The following SHPRH variants were observed in gnomAD, a reference collection of about 807,000 sequenced individuals.
SHPRH encodes the protein E3 ubiquitin-protein ligase SHPRH.
A neutral mutation model predicts 202.5 loss-of-function variants in SHPRH; 106 were observed. The observed-to-expected ratio is 0.52, with a 90% CI of 0.45 to 0.62. SHPRH has a LOEUF of 0.62. Ranked by LOEUF, SHPRH falls within the 20% of genes least tolerant of loss-of-function variation. SHPRH has a pLI of 0.00. For synonymous variants in SHPRH, 729 were observed against 686.0 expected, an observed-to-expected ratio of 1.06 and a Z score of -0.98; for missense variants, 1,710 against 2,020.0, an observed-to-expected ratio of 0.85 and a Z score of 2.94.
In SHPRH at chr6:145,943,661, T is replaced by C. The variant is rs761671202; in HGVS notation, c.1720A>G (p.Ser574Gly). 2.5e-6 allele frequency: 4 copies of C among 1,613,940 alleles called. No homozygotes were observed. The Admixed American group carries it at 6.7e-5, about 27-fold the overall frequency. ...GGAACAAGCTTTTTCCTCAATTTAC[T>C]GCGATTTCTCCTGGACTTATAATAA... is the stretch of plus-strand genomic sequence containing the variant. ...YYYYKSRRNR[S>G]KLRKKLVPST... Residue 574 changes from serine (S) to glycine (G), a missense_variant, in exon 9 of 30, where the codon AGT becomes GGT. Physicochemically the swap from Ser to Gly is moderately conservative, Grantham distance 56. Transcript: ENST00000275233.
At chr6:145,863,301 T>A (rs1279034206), downstream of SHPRH, among the ~76,000 whole-genome samples, 3 of 152,292 alleles carry the variant, frequency 2.0e-5, no homozygotes, top group East Asian at 5.8e-4. Context: ...TTTAAGCTAA[T>A]CAAGGACAAA....
intron 10 of SHPRH, 23 bp downstream of exon 10, chr6:145,941,600 A>T (rs1786783204): frequency 2.5e-6 from 4 of 1,611,190 alleles, no homozygotes; most frequent in Non-Finnish European, 2.5e-6. Context: ...CCAGCCCTCA[A>T]AAGATTTTGC....
In SHPRH at chr6:145,949,041, G is replaced by A. The variant is rs998011243; in HGVS notation, c.983-691C>T. Among the ~76,000 whole-genome samples the A allele has an allele frequency of 3.3e-5, 5 of 152,004 alleles. No homozygotes were observed. The South Asian group carries it at 6.2e-4, about 19-fold the overall frequency. ...TATTTTTATATTCTAGAATAAAATGGCCATTAAAAATTCAAAAAACTATGG... is the reference window on the plus strand; with the variant it reads ...TATTTTTATATTCTAGAATAAAATGACCATTAAAAATTCAAAAAACTATGG... On this transcript the variant is annotated intron_variant, in intron 4 of 29. Transcript: ENST00000275233.
intron 4 of SHPRH, 77 bp downstream of exon 4, chr6:145,950,187 C>A: frequency 1.7e-6 from 2 of 1,176,922 alleles, no homozygotes; most frequent in South Asian, 1.4e-5. Flanking sequence ...TTTTAATGAT[C>A]AATTTCACCC....
intron 29 of SHPRH, 119 bp from the exon 30 acceptor site, chr6:145,886,906 G>T: frequency 1.0e-6 from 1 of 977,126 alleles, no homozygotes; most frequent in Non-Finnish European, 1.4e-6. Context: ...TGGGATATAA[G>T]AAACTCCCAG....
At chr6:145,870,054 TTGTA>T (rs1779985868) in intron 2 of SHPRH, among the ~76,000 whole-genome samples, 1 of 151,934 alleles carries the variant, frequency 6.6e-6, no homozygotes, top group Admixed American at 6.6e-5. Flanking sequence ...CATGTAGATA[TTGTA>T]TGTATTTTGC....
intron 25 of SHPRH, among the ~76,000 whole-genome samples, chr6:145,897,420 T>C (rs1235275256): frequency 3.9e-5 from 6 of 151,930 alleles, no homozygotes; most frequent in Admixed American, 6.6e-5. Flanking sequence ...AAGAAAAGCA[T>C]AGGAACTAGT....
chr6:145,951,699 T>C (rs1787995142), intron 3 of SHPRH: 6 of 438,044 alleles, frequency 1.4e-5, no homozygotes, highest in Admixed American at 9.6e-5. Context: ...AAGAATGTAC[T>C]AGAGAAATAA....
At chr6:145,879,747 C>T (rs528705150) in intron 2 of SHPRH, among the ~76,000 whole-genome samples, 2 of 151,866 alleles carry the variant, frequency 1.3e-5, no homozygotes, top group East Asian at 3.9e-4. Flanking sequence ...CCCGTGTTTA[C>T]TAAAAATACA....
intron 25 of SHPRH, chr6:145,903,341 A>AT (rs1377582096): frequency 1.3e-5 from 2 of 149,876 alleles, no homozygotes; most frequent in East Asian, 3.9e-4. Flanking sequence ...AAAAATTCAA[A>AT]TAAAAAAAAA....
intron 21 of SHPRH, among the ~76,000 whole-genome samples, chr6:145,919,912 G>A (rs1374577153): frequency 6.6e-6 from 1 of 152,054 alleles, no homozygotes; most frequent in South Asian, 2.1e-4. Flanking sequence ...TCCTTGGAAA[G>A]GCTCTGTGTG....
At chr6:145,888,140 A>T (rs748476736) in intron 28 of SHPRH, 40 bp from the exon 29 acceptor site, 2 of 1,455,870 alleles carry the variant, frequency 1.4e-6, no homozygotes, top group Non-Finnish European at 1.9e-6. Flanking sequence ...AAAACATAGT[A>T]AAACAAATCA....
In SHPRH at chr6:145,922,220, T is replaced by A. The variant is rs1784486311; in HGVS notation, c.3782+66A>T. The A allele has an allele frequency of 3.6e-6, 5 of 1,371,288 alleles. No homozygotes were observed. In the African/African-American group the frequency reaches 7.5e-5, roughly 20 times the overall value. The allele number at this position is 1,371,288 out of a possible 1,614,324, so 84.9% of individuals were successfully genotyped here. On this transcript the variant is annotated intron_variant, in intron 20 of 29. Coordinates refer to ENST00000275233, the MANE Select transcript of SHPRH (RefSeq NM_001042683.3). Reference sequence around the variant, plus strand: ...CTGTGGGGGAAAACATAGTCTTATATCACATAACTGAGTCTTGCAAAATGT... The same window carrying A: ...CTGTGGGGGAAAACATAGTCTTATAACACATAACTGAGTCTTGCAAAATGT...
At chr6:145,897,014 G>A (rs1012040619) in intron 25 of SHPRH, among the ~76,000 whole-genome samples, 3 of 151,624 alleles carry the variant, frequency 2.0e-5, no homozygotes, top group African/African-American at 7.3e-5. Context: ...AAAGTAAGCC[G>A]AAAGTCAGCA....
chr6:145,963,166 A>G (rs1308011219), intron 1 of SHPRH, among the ~76,000 whole-genome samples: 3 of 152,240 alleles, frequency 2.0e-5, no homozygotes, highest in Non-Finnish European at 2.9e-5. Context: ...AATCATTACA[A>G]TACTGCTCAG....
At chr6:145,951,472 A>G (rs1181503950) in intron 3 of SHPRH, among the ~76,000 whole-genome samples, 2 of 152,076 alleles carry the variant, frequency 1.3e-5, no homozygotes, top group Non-Finnish European at 2.9e-5. Flanking sequence ...GACTTTTACT[A>G]TAATTATATA....
rs374630773 is a variant in SHPRH, at chr6:145,950,328, G to A, written c.918C>T (p.Pro306=). 43 of 1,613,072 alleles carry A rather than the reference G, an allele frequency of 2.7e-5. No homozygotes were observed. The highest frequency in any genetic ancestry group is 3.6e-5 in the Non-Finnish European group (43 of 1,179,406). The stretch of plus-strand genomic sequence containing the variant: ...TCCAATTGACAGCCTCTCTTTGGTA[G>A]GGTCTCAACACAGGGATCAATGCAG... ...QHPALIPVLR[P]YQREAVNWML... The change falls in exon 4 of 30, where the codon CCC becomes CCT. Residue 306 remains proline (P), a synonymous_variant. Transcript: ENST00000275233.
In SHPRH at chr6:145,952,379, T is replaced by C. The variant is rs542622507; in HGVS notation, c.733A>G (p.Met245Val). 43 of 1,607,362 alleles carry C rather than the reference T, an allele frequency of 2.7e-5. No individual in the cohort carries two copies. The East Asian group carries it at 9.4e-4, about 35-fold the overall frequency. Residue 245 changes from methionine to valine, a missense_variant, in exon 3 of 30, where the codon ATG becomes GTG. Transcript: ENST00000275233. ...ATAATAGAATTGTGTAACTTTTCCA[T>C]TACTTTCTTCATGAGCTGATTGAAC... ...KKFNQLMKKVMEKLHNSIIPD... is the reference protein window; with the variant it reads ...KKFNQLMKKVVEKLHNSIIPD...
At chr6:145,960,400 AG>A (rs777927640) in intron 1 of SHPRH, among the ~76,000 whole-genome samples, 72 of 152,272 alleles carry the variant, frequency 4.7e-4, no homozygotes, top group Non-Finnish European at 8.4e-4. Flanking sequence ...GGGGGGTGGA[AG>A]GGTAGAGGGA....
Sources: allele counts gnomAD v4.1 joint callset (sites outside exome capture counted in the v4.1 genomes callset), GRCh38; gene constraint gnomAD v4.1.1; transcripts MANE v1.5; gene names NCBI Gene and HGNC (gene_info 2026-07-23, HGNC 2026-07-21).